The following BRI3BP variants were observed in gnomAD, a reference collection of about 807,000 sequenced individuals.
The protein encoded by BRI3BP is BRI3 binding protein.
Under a neutral mutation model 15.8 loss-of-function variants are expected in BRI3BP, and 7 were observed. The observed-to-expected ratio is 0.44, with a 90% CI of 0.25 to 0.83. BRI3BP has a LOEUF of 0.83. Ranked by LOEUF, BRI3BP falls within the 40% of genes least tolerant of loss-of-function variation. The pLI, the probability that BRI3BP is intolerant of heterozygous loss-of-function variation, is 0.20. For missense variants in BRI3BP, 320 were observed against 339.3 expected, an observed-to-expected ratio of 0.94 and a Z score of 0.45; for synonymous variants, 192 against 163.5, an observed-to-expected ratio of 1.17 and a Z score of -1.33.
intron 2 of BRI3BP, among the ~76,000 whole-genome samples, chr12:125,018,770 C>T (rs1377395895): frequency 6.6e-6 from 1 of 151,796 alleles, no homozygotes; most frequent in Admixed American, 6.6e-5. Context: ...GCCTCCGCCT[C>T]CTGAGTTCAA....
At chr12:124,996,710 A>G (rs1181062015) in intron 1 of BRI3BP, among the ~76,000 whole-genome samples, 3 of 151,902 alleles carry the variant, frequency 2.0e-5, no homozygotes, top group Admixed American at 2.0e-4. Context: ...ATTAGAGCCA[A>G]ACCTGCTTTG....
chr12:125,041,053 T>C, the BRI3BP span, among the ~76,000 whole-genome samples: 1 of 151,340 alleles, frequency 6.6e-6, no homozygotes, highest in African/African-American at 2.4e-5. Context: ...TTTTTATTTT[T>C]ATTTTTTTTT....
the BRI3BP span, among the ~76,000 whole-genome samples, chr12:125,041,811 C>T: frequency 1.3e-5 from 2 of 152,214 alleles, no homozygotes; most frequent in Non-Finnish European, 2.9e-5. Context: ...ATCCTTCCCC[C>T]TTAGTCTCCT....
At chr12:124,998,585 G>T (rs1351308094) in intron 1 of BRI3BP, among the ~76,000 whole-genome samples, 1 of 152,160 alleles carries the variant, frequency 6.6e-6, no homozygotes, top group Non-Finnish European at 1.5e-5. Context: ...GAAAGCAGAT[G>T]GGTGGTTGCC....
chr12:125,037,561 C>G, the BRI3BP span, among the ~76,000 whole-genome samples: 1 of 151,604 alleles, frequency 6.6e-6, no homozygotes, highest in African/African-American at 2.4e-5. Flanking sequence ...CCTGTAATCC[C>G]GGCACTTTGG....
chr12:125,023,373 C>G (rs553027685), intron 2 of BRI3BP, among the ~76,000 whole-genome samples: 19 of 152,248 alleles, frequency 1.2e-4, no homozygotes, highest in African/African-American at 4.3e-4. Flanking sequence ...AGGACACATT[C>G]CTGCTACTTT....
chr12:125,014,600 T>G (rs2135994911), intron 2 of BRI3BP, among the ~76,000 whole-genome samples: 1 of 152,110 alleles, frequency 6.6e-6, no homozygotes, highest in East Asian at 1.9e-4. Context: ...TGCCCAGGCT[T>G]TTTACTGGGG....
In BRI3BP at chr12:125,025,501, C is replaced by G. The variant is rs561392594; in HGVS notation, c.*71C>G. On this transcript the variant is annotated 3_prime_UTR_variant, in exon 3 of 3. Coordinates refer to ENST00000341446, the MANE Select transcript of BRI3BP (RefSeq NM_080626.6). ...AGAAAACGAAAACGGAGGAAAAAAA[C>G]CCCAAACCCCAAACAATCTTAATAA... The G allele has an allele frequency of 7.5e-7, 1 of 1,337,684 alleles. No homozygotes were observed. The highest frequency in any genetic ancestry group is 2.8e-5 in the Admixed American group (1 of 35,676). 82.9% of individuals were successfully genotyped at this position (1,337,684 alleles called of 1,614,324 possible).
chr12:125,036,373 T>A, the BRI3BP span, among the ~76,000 whole-genome samples: 12 of 151,314 alleles, frequency 7.9e-5, no homozygotes, highest in South Asian at 1.5e-3. Flanking sequence ...TAATTTTTTT[T>A]ATTTTATTTA....
At chr12:125,018,269 A>G (rs1214054337) in intron 2 of BRI3BP, among the ~76,000 whole-genome samples, 3 of 152,186 alleles carry the variant, frequency 2.0e-5, no homozygotes, top group African/African-American at 7.2e-5. Context: ...AGTGCCTGTT[A>G]GGAGTTGAAT....
the BRI3BP span, among the ~76,000 whole-genome samples, chr12:125,048,036 G>T: frequency 2.4e-5 from 3 of 123,062 alleles, no homozygotes; most frequent in East Asian, 2.4e-4. Flanking sequence ...AAAAAAAAAA[G>T]ATTTTAAGTG....
chr12:124,996,663 C>T (rs891222737), intron 1 of BRI3BP, among the ~76,000 whole-genome samples: 4 of 151,778 alleles, frequency 2.6e-5, no homozygotes, highest in Non-Finnish European at 5.9e-5. Context: ...ACTGGGTCTG[C>T]CAGCAACTGT....
downstream of BRI3BP, among the ~76,000 whole-genome samples, chr12:125,036,144 A>G (rs1242022225): frequency 1.3e-5 from 2 of 152,152 alleles, no homozygotes; most frequent in Non-Finnish European, 2.9e-5. Context: ...TGCTCACTGC[A>G]ACCTCCGCCT....
chr12:125,027,580 G>C lies in BRI3BP; in HGVS notation c.*2150G>C, dbSNP rs1303998414. On this transcript the variant is annotated 3_prime_UTR_variant, in exon 3 of 3. Coordinates refer to ENST00000341446, the MANE Select transcript of BRI3BP (RefSeq NM_080626.6). ...AGCTACTTGGGAGGCTGAGGCTGGA[G>C]AATCGCTTGAACATGGGAGGCGGAG... is the stretch of plus-strand genomic sequence containing the variant. 6.6e-6 allele frequency: 1 copy of C among 152,206 alleles called. No individual in the cohort carries two copies. The highest frequency in any genetic ancestry group is 1.5e-5 in the Non-Finnish European group (1 of 68,126). The allele number at this position is 152,206 out of a possible 1,614,324, so 9.4% of individuals were successfully genotyped here. A position where few individuals can be genotyped will look rare whatever the true frequency, so the allele number is the denominator to read the frequency against.
chr12:125,010,101 CA>C (rs34509244), intron 1 of BRI3BP, among the ~76,000 whole-genome samples: 46,042 of 143,126 alleles, frequency 0.32, 7,107 homozygotes, highest in Non-Finnish European at 0.35. Context: ...GACCCTGTCT[CA>C]AAAAAAAAAA....
chr12:125,046,679 C>A, the BRI3BP span, among the ~76,000 whole-genome samples: 78 of 152,332 alleles, frequency 5.1e-4, no homozygotes, highest in Middle Eastern at 3.4e-3. Context: ...ATTATCTTTT[C>A]ATTTCTAGAG....
chr12:125,020,822 A>G (rs1294620788), intron 2 of BRI3BP, among the ~76,000 whole-genome samples: 1 of 152,150 alleles, frequency 6.6e-6, no homozygotes, highest in Admixed American at 6.6e-5. Flanking sequence ...AGAGGTTGCA[A>G]TGAGCTAAGA....
chr12:125,015,792 G>A (rs947299296), intron 2 of BRI3BP, among the ~76,000 whole-genome samples: 24 of 152,304 alleles, frequency 1.6e-4, no homozygotes, highest in Admixed American at 1.2e-3. Context: ...AATCAGAGGC[G>A]TCAGCATAGC....
intron 1 of BRI3BP, among the ~76,000 whole-genome samples, chr12:124,999,067 A>C (rs1955062186): frequency 6.6e-6 from 1 of 152,118 alleles, no homozygotes; most frequent in African/African-American, 2.4e-5. Flanking sequence ...GACAGCACAA[A>C]ACTCTTTGTC....
Sources: gnomAD v4.1 joint callset for allele counts (sites outside exome capture counted in the v4.1 genomes callset) on GRCh38, gnomAD v4.1.1 for gene constraint, MANE v1.5 for transcripts, NCBI Gene and HGNC (gene_info 2026-07-23, HGNC 2026-07-21) for gene names.